KIAA0753: variants seen among roughly 807,000 people sequenced by gnomAD.
KIAA0753 encodes protein moonraker.
Under a neutral mutation model 116.9 loss-of-function variants are expected in KIAA0753, and 114 were observed. The observed-to-expected ratio is 0.98, with a 90% CI of 0.84 to 1.14. KIAA0753 has a LOEUF of 1.14. KIAA0753 is among the 50% of genes most tolerant of loss of function. The pLI, the probability that KIAA0753 is intolerant of heterozygous loss-of-function variation, is 0.00. For missense variants in KIAA0753, 1,156 were observed against 1,172.4 expected, an observed-to-expected ratio of 0.99 and a Z score of 0.20; for synonymous variants, 405 against 413.1, an observed-to-expected ratio of 0.98 and a Z score of 0.24.
intron 16 of KIAA0753, among the ~76,000 whole-genome samples, chr17:6,593,569 C>T (rs938040353): frequency 4.1e-5 from 6 of 147,192 alleles, no homozygotes; most frequent in East Asian, 2.1e-4. Context: ...GGAGGCAGGG[C>T]GCAATGGCTC....
At chr17:6,600,929 A>G (rs1467950142) in intron 12 of KIAA0753, 1 of 159,910 alleles carries the variant, frequency 6.3e-6, no homozygotes, top group East Asian at 1.9e-4. Context: ...GACAAAAGTG[A>G]TAACTAACTT....
intron 18 of KIAA0753, among the ~76,000 whole-genome samples, chr17:6,583,615 T>A (rs1567530909): frequency 2.0e-5 from 3 of 152,264 alleles, no homozygotes; most frequent in Non-Finnish European, 1.5e-5. Flanking sequence ...TATTTTCTTC[T>A]GTTGTGTCTA....
chr17:6,597,637 C>T (rs1424298373), intron 14 of KIAA0753, among the ~76,000 whole-genome samples: 2 of 152,186 alleles, frequency 1.3e-5, no homozygotes, highest in African/African-American at 2.4e-5. Flanking sequence ...AAAATATATA[C>T]TTCATGTGCC....
chr17:6,614,849 A>G (rs1223066413), intron 7 of KIAA0753, among the ~76,000 whole-genome samples: 1 of 152,208 alleles, frequency 6.6e-6, no homozygotes, highest in Non-Finnish European at 1.5e-5. Flanking sequence ...TCCAGCCTGG[A>G]GTGCAGTAGT....
chr17:6,595,993 G>C (rs1487399649), intron 15 of KIAA0753, among the ~76,000 whole-genome samples, 165 bp downstream of exon 15: 1 of 152,206 alleles, frequency 6.6e-6, no homozygotes, highest in Non-Finnish European at 1.5e-5. Context: ...ACTTATCAGA[G>C]GGGTTGACGA....
At chr17:6,636,049 G>A (rs1972302277) in intron 1 of KIAA0753, 3 of 152,124 alleles carry the variant, frequency 2.0e-5, no homozygotes, top group Admixed American at 1.3e-4. Flanking sequence ...TCTGTGAACT[G>A]ACTAGTTTTA....
chr17:6,602,993 A>C (rs1969974249), intron 12 of KIAA0753, among the ~76,000 whole-genome samples: 6 of 152,226 alleles, frequency 3.9e-5, no homozygotes, highest in Admixed American at 3.9e-4. Context: ...CCATGAAAGA[A>C]GGACAGGCGA....
chr17:6,619,160 C>T (rs1055683407), intron 7 of KIAA0753, among the ~76,000 whole-genome samples: 2 of 151,568 alleles, frequency 1.3e-5, no homozygotes, highest in African/African-American at 4.9e-5. Flanking sequence ...ACCTGGGAGG[C>T]AGAGGTTGCA....
At chr17:6,613,809 C>A (rs757463893) in intron 7 of KIAA0753, among the ~76,000 whole-genome samples, 1 of 152,130 alleles carries the variant, frequency 6.6e-6, no homozygotes, top group South Asian at 2.1e-4. Flanking sequence ...CAGTATAACA[C>A]CAGGGCAGAA....
intron 13 of KIAA0753, among the ~76,000 whole-genome samples, chr17:6,599,733 AT>A (rs1315520955): frequency 6.6e-6 from 1 of 152,156 alleles, no homozygotes; most frequent in Non-Finnish European, 1.5e-5. Flanking sequence ...TCTAATACAA[AT>A]TTAACATTTC....
rs960874544 is a variant in KIAA0753 at position 6,595,415 on chromosome 17, C to A, written c.2359-362G>T. Among the ~76,000 whole-genome samples, 3 of 152,288 alleles carry A rather than the reference C, an allele frequency of 2.0e-5. No homozygotes were observed. In the East Asian group the frequency reaches 5.8e-4, roughly 29 times the overall value. On this transcript the variant is annotated intron_variant, in intron 15 of 18. Transcript: ENST00000361413. ...CGGCTAGTGGCTACTGTTTTGAGCA[C>A]CCCGGGCCTAGACAACTATCACCAA...
intron 6 of KIAA0753, among the ~76,000 whole-genome samples, chr17:6,622,106 A>G (rs73350276): frequency 0.023 from 3,578 of 152,268 alleles, 155 homozygotes; most frequent in African/African-American, 0.081. Context: ...CCATGCTAAC[A>G]TAAAGATCAC....
intron 1 of KIAA0753, chr17:6,635,541 T>C (rs1356671868): frequency 7.6e-5 from 12 of 157,762 alleles, no homozygotes; most frequent in Middle Eastern, 3.4e-3. Context: ...ACAAGCAGTC[T>C]ACATTAACAA....
Position 6,612,138 on chromosome 17 carries a change from C to A in KIAA0753, c.1326G>T (p.Gln442His), listed in dbSNP as rs1455124348. ...VAKQLLADKY[Q>H]PDTELPETQR... ...GGGTCTCCGGAAGCTCCGTATCGGG[C>A]TGATACTTATCTACATGGAAATTTT... Residue 442 changes from glutamine (Q) to histidine (H), a missense_variant, in exon 8 of 19, where the codon CAG (glutamine) becomes CAT (histidine). By Grantham distance (24) the Gln-to-His change is conservative. Transcript: ENST00000361413. 1 of 1,605,880 alleles carries A rather than the reference C, an allele frequency of 6.2e-7. No individual in the cohort carries two copies. The highest frequency in any genetic ancestry group is 1.7e-5 in the Admixed American group (1 of 57,986).
At chr17:6,611,053 A>T (rs768783006) in intron 8 of KIAA0753, among the ~76,000 whole-genome samples, 2 of 152,190 alleles carry the variant, frequency 1.3e-5, no homozygotes, top group African/African-American at 2.4e-5. Context: ...TTTGCTAAAG[A>T]AGCCTTTGGG....
In KIAA0753 at chr17:6,589,817, C is replaced by G; in HGVS notation, c.2748G>C (p.Glu916Asp). ...GCCACGGGTTGAAGGAGCCTACAGC[C>G]TCATGAGATATGATCCGAAGGTACT... ...FEQYLRIISH[E>D]AVGSFNPWLI... Residue 916 changes from glutamate to aspartate, a missense_variant, in exon 18 of 19, where the codon GAG becomes GAC. Transcript: ENST00000361413. The G allele has an allele frequency of 6.2e-7, 1 of 1,613,758 alleles. No homozygotes were observed. The highest frequency in any genetic ancestry group is 1.7e-5 in the Admixed American group (1 of 59,942).
intron 7 of KIAA0753, among the ~76,000 whole-genome samples, chr17:6,614,355 A>C (rs1226342386): frequency 6.6e-6 from 1 of 152,210 alleles, no homozygotes; most frequent in Non-Finnish European, 1.5e-5. Flanking sequence ...TAAAAGCAAA[A>C]AACTGGGAAC....
rs373825506 is a variant in KIAA0753, at chr17:6,589,857, C to A, written c.2708G>T (p.Cys903Phe). The A allele has an allele frequency of 5.0e-6, 8 of 1,614,006 alleles. No individual in the cohort carries two copies. The African/African-American group carries it at 9.3e-5, about 19-fold the overall frequency. The stretch of plus-strand genomic sequence containing the variant: ...CCGAAGGTACTGCTCAAAACGACTA[C>A]AGTAGTCACCGATGCTGTGCTGCAT... Reference protein sequence around the residue: ...PGMQHSIGDYCSRFEQYLRII... With the variant: ...PGMQHSIGDYFSRFEQYLRII... The change falls in exon 18 of 19, where the codon TGT becomes TTT. Residue 903 changes from cysteine (C) to phenylalanine (F), a missense_variant. Cys to Phe is a radical substitution (Grantham distance 205). Coordinates refer to ENST00000361413, the MANE Select transcript of KIAA0753 (RefSeq NM_014804.3).
intron 5 of KIAA0753, 99 bp from the exon 6 acceptor site, chr17:6,623,196 T>TA: frequency 8.3e-7 from 1 of 1,201,186 alleles, no homozygotes. Context: ...TCTTTCTGTA[T>TA]AAAGTGCTTT....
Sources: gnomAD v4.1 joint callset for allele counts (sites outside exome capture counted in the v4.1 genomes callset) on GRCh38, gnomAD v4.1.1 for gene constraint, MANE v1.5 for transcripts, NCBI Gene and HGNC (gene_info 2026-07-23, HGNC 2026-07-21) for gene names.